The following CNOT6L variants were observed in gnomAD, a reference collection of about 807,000 sequenced individuals.
The protein encoded by CNOT6L is CCR4-NOT transcription complex subunit 6-like.
In CNOT6L, 7 loss-of-function variants were observed where a neutral mutation model predicts 64.0. That is an observed-to-expected ratio of 0.11 (90% CI 0.06 to 0.21). The LOEUF (loss-of-function observed/expected upper bound fraction) is 0.21. Ranked by LOEUF, CNOT6L falls within the 10% of genes least tolerant of loss-of-function variation. CNOT6L has a pLI of 1.00. For synonymous variants in CNOT6L, 193 were observed against 243.4 expected (o/e 0.79, Z 1.93); for missense variants, 245 against 669.0 (o/e 0.37, Z 6.99).
At chr4:77,755,925 C>CAA (rs35900749) in intron 5 of CNOT6L, among the ~76,000 whole-genome samples, 1 of 129,738 alleles carries the variant, frequency 7.7e-6, no homozygotes, top group African/African-American at 2.8e-5. Flanking sequence ...AGAGCTTAGG[C>CAA]AAAAAAAAAA....
intron 8 of CNOT6L, among the ~76,000 whole-genome samples, chr4:77,739,251 C>T (rs1157697892): frequency 6.6e-6 from 1 of 152,130 alleles, no homozygotes; most frequent in African/African-American, 2.4e-5. Context: ...AAACAGTCAT[C>T]AGTGAAGATG....
At chr4:77,741,679 G>A (rs1430953987) in intron 8 of CNOT6L, among the ~76,000 whole-genome samples, 1 of 151,984 alleles carries the variant, frequency 6.6e-6, no homozygotes, top group Non-Finnish European at 1.5e-5. Context: ...TGTGTCTGTT[G>A]TGTCTAGCAC....
chr4:77,787,109 T>C (rs1181047870), intron 1 of CNOT6L, among the ~76,000 whole-genome samples: 3 of 150,606 alleles, frequency 2.0e-5, no homozygotes, highest in African/African-American at 7.4e-5. Context: ...CTATTAAAAA[T>C]ACAAAAAAAC....
chr4:77,817,226 A>G (rs1307421770), intron 1 of CNOT6L, among the ~76,000 whole-genome samples: 1 of 152,190 alleles, frequency 6.6e-6, no homozygotes, highest in African/African-American at 2.4e-5. Context: ...AATATGAAAA[A>G]AAAATTAAGT....
chr4:77,737,094 A>G (rs904224378), intron 8 of CNOT6L, among the ~76,000 whole-genome samples: 1 of 152,220 alleles, frequency 6.6e-6, no homozygotes, highest in African/African-American at 2.4e-5. Flanking sequence ...AAACTAAAGC[A>G]ATCTATAGGA....
In CNOT6L at chr4:77,748,402, A is replaced by G. The variant is rs764347354; in HGVS notation, c.491-18T>C. ...TGGATGAACTGAAAAAAATTTTGTA[A>G]ATATAGGTTAATTTCATGTGTTTCT... On this transcript the variant is annotated intron_variant, in intron 5 of 11. Transcript: ENST00000504123. The G allele has an allele frequency of 4.3e-5, 64 of 1,501,646 alleles. No homozygotes were observed. In the South Asian group the frequency reaches 7.2e-4, roughly 17 times the overall value. 93.0% of individuals were successfully genotyped at this position (1,501,646 alleles called of 1,614,324 possible).
chr4:77,819,500 G>C, upstream of CNOT6L: 1 of 1,205,144 alleles, frequency 8.3e-7, no homozygotes, highest in Non-Finnish European at 1.1e-6. Context: ...GGAAGCCGCG[G>C]CGGCACACAG....
intron 1 of CNOT6L, among the ~76,000 whole-genome samples, chr4:77,784,941 A>G (rs1729275649): frequency 6.6e-6 from 1 of 152,174 alleles, no homozygotes; most frequent in Non-Finnish European, 1.5e-5. Flanking sequence ...AATCAAGTTA[A>G]TTCTAAAATT....
intron 7 of CNOT6L, chr4:77,742,498 T>C: frequency 1.6e-6 from 1 of 633,130 alleles, no homozygotes. Context: ...AAAGGTGACA[T>C]GATTTTCTCA....
intron 1 of CNOT6L, among the ~76,000 whole-genome samples, chr4:77,802,222 C>T (rs568198975): frequency 6.6e-6 from 1 of 152,122 alleles, no homozygotes; most frequent in African/African-American, 2.4e-5. Context: ...ACACCTTATA[C>T]ATACAATATA....
intron 1 of CNOT6L, among the ~76,000 whole-genome samples, chr4:77,815,172 T>TA (rs1279465148): frequency 1.3e-5 from 2 of 152,196 alleles, no homozygotes; most frequent in African/African-American, 4.8e-5. Flanking sequence ...ATGTGTTTCC[T>TA]ATGAAACTAT....
intron 1 of CNOT6L, among the ~76,000 whole-genome samples, chr4:77,806,425 CAA>C (rs561215577): frequency 2.9e-5 from 4 of 135,926 alleles, no homozygotes; most frequent in Admixed American, 7.4e-5. Flanking sequence ...AACTCTGTCT[CAA>C]AAAAAAAAAA....
chr4:77,750,163 T>C (rs2109973521), intron 5 of CNOT6L, among the ~76,000 whole-genome samples: 1 of 152,326 alleles, frequency 6.6e-6, no homozygotes, highest in South Asian at 2.1e-4. Flanking sequence ...GTATAAAATT[T>C]CTGCTGGTAT....
At chr4:77,813,410 TAAC>T (rs1477387810) in intron 1 of CNOT6L, among the ~76,000 whole-genome samples, 1 of 152,078 alleles carries the variant, frequency 6.6e-6, no homozygotes, top group Non-Finnish European at 1.5e-5. Flanking sequence ...GCAAAAATAA[TAAC>T]AAGAATTTCA....
chr4:77,717,519 A>C lies in CNOT6L; in HGVS notation c.*2912T>G, dbSNP rs937410656. ...TTATCTTCTGATTAAAATATGCAGC[A>C]GCCCAATGGCATAAAGCTTAACTCA... On this transcript the variant is annotated 3_prime_UTR_variant, in exon 12 of 12. Transcript: ENST00000504123. 1 of 152,438 alleles carries C rather than the reference A, an allele frequency of 6.6e-6. No individual in the cohort carries two copies. The highest frequency in any genetic ancestry group is 2.4e-5 in the African/African-American group (1 of 41,454). The allele number at this position is 152,438 out of a possible 1,614,324, so 9.4% of individuals were successfully genotyped here.
At chr4:77,793,246 CAA>C (rs1730370316) in intron 1 of CNOT6L, among the ~76,000 whole-genome samples, 5 of 152,104 alleles carry the variant, frequency 3.3e-5, no homozygotes, top group Admixed American at 3.3e-4. Flanking sequence ...TTCTAGCCAT[CAA>C]AAGTATCTCT....
intron 5 of CNOT6L, among the ~76,000 whole-genome samples, chr4:77,752,628 AG>A (rs1724978649): frequency 6.6e-6 from 1 of 152,166 alleles, no homozygotes; most frequent in African/African-American, 2.4e-5. Context: ...TCACAGGCCA[AG>A]GAAGAAATAA....
At position 77,817,832 on chromosome 4, in the gene CNOT6L, G is replaced by C. The variant is rs542526739; in HGVS notation, c.5+1472C>G. ...CCATGACACAGAGTACGGCCTACAAGGATCGAAACTGTATTATGCTTTTAT... is the reference window on the plus strand; with the variant it reads ...CCATGACACAGAGTACGGCCTACAACGATCGAAACTGTATTATGCTTTTAT... On this transcript the variant is annotated intron_variant, in intron 1 of 11. Coordinates refer to ENST00000504123, the MANE Select transcript of CNOT6L (RefSeq NM_144571.3). 1.1e-4 allele frequency among the ~76,000 whole-genome samples: 16 copies of C among 152,304 alleles called. No homozygotes were observed. The South Asian group carries it at 2.7e-3, about 26-fold the overall frequency.
chr4:77,807,135 G>A (rs1292096554), intron 1 of CNOT6L, among the ~76,000 whole-genome samples: 1 of 151,926 alleles, frequency 6.6e-6, no homozygotes, highest in East Asian at 1.9e-4. Flanking sequence ...TTGGTTAGCT[G>A]GGCATGGTGG....
Sources: allele counts gnomAD v4.1 joint callset (sites outside exome capture counted in the v4.1 genomes callset), GRCh38; gene constraint gnomAD v4.1.1; transcripts MANE v1.5; gene names NCBI Gene and HGNC (gene_info 2026-07-23, HGNC 2026-07-21).